PIGK: variants seen among roughly 807,000 people sequenced by gnomAD.
PIGK encodes phosphatidylinositol glycan anchor biosynthesis class K.
A neutral mutation model predicts 50.6 loss-of-function variants in PIGK; 42 were observed. That is an observed-to-expected ratio of 0.83 (90% CI 0.65 to 1.07). The LOEUF (loss-of-function observed/expected upper bound fraction) is 1.07. Ranked by LOEUF, PIGK falls within the 50% of genes least tolerant of loss-of-function variation. The pLI is 0.00. For synonymous variants in PIGK, 151 were observed against 156.0 expected (o/e 0.97, Z 0.24); for missense variants, 448 against 488.7 (o/e 0.92, Z 0.78).
At position 77,090,340 on chromosome 1, in the gene PIGK, A is replaced by G. The variant is rs923359913; in HGVS notation, c.*2034T>C. On this transcript the variant is annotated 3_prime_UTR_variant, in exon 11 of 11. Coordinates refer to ENST00000370812, the MANE Select transcript of PIGK (RefSeq NM_005482.3). ...TATGAAGGCAGAGTATGCTCTATGT[A>G]AAAAGATTATGGTTATAAGTGAAAC... The G allele has an allele frequency of 2.0e-5, 3 of 152,240 alleles. No homozygotes were observed. Among genetic ancestry groups the G allele is most frequent in the African/African-American group, 4.8e-5 (2 of 41,458 alleles). The allele number at this position is 152,240 out of a possible 1,614,324, so 9.4% of individuals were successfully genotyped here. A position where few individuals can be genotyped will look rare whatever the true frequency, so the allele number is the denominator to read the frequency against.
intron 9 of PIGK, among the ~76,000 whole-genome samples, chr1:77,122,711 C>T (rs910562278): frequency 1.3e-5 from 2 of 152,174 alleles, no homozygotes; most frequent in Non-Finnish European, 2.9e-5. Context: ...ACTCAAGCCT[C>T]ATCTCCAGCA....
intron 4 of PIGK, 50 bp from the exon 5 acceptor site, chr1:77,166,880 C>T (rs1447490118): frequency 1.2e-6 from 1 of 855,382 alleles, no homozygotes; most frequent in Non-Finnish European, 1.9e-6. Context: ...CCTGGGAAAT[C>T]TTGACAAATT....
chr1:77,112,900 T>C (rs900120728), intron 10 of PIGK, among the ~76,000 whole-genome samples: 1 of 152,082 alleles, frequency 6.6e-6, no homozygotes, highest in Non-Finnish European at 1.5e-5. Context: ...AGCATACATA[T>C]GCCCCTAATA....
At chr1:77,193,986 A>T (rs1570255130) in intron 3 of PIGK, among the ~76,000 whole-genome samples, 1 of 152,332 alleles carries the variant, frequency 6.6e-6, no homozygotes, top group East Asian at 1.9e-4. Flanking sequence ...AAAAAAATTA[A>T]TGAGTAAAAA....
chr1:77,099,134 T>C (rs767965156), intron 10 of PIGK, among the ~76,000 whole-genome samples: 4 of 152,106 alleles, frequency 2.6e-5, no homozygotes, highest in Admixed American at 1.3e-4. Context: ...ACAGGAAACA[T>C]TGTACATCCA....
At chr1:77,155,211 T>C (rs562241529) in intron 8 of PIGK, among the ~76,000 whole-genome samples, 6 of 152,290 alleles carry the variant, frequency 3.9e-5, no homozygotes, top group African/African-American at 9.6e-5. Context: ...AGTTTATTTA[T>C]GAAAATAAGC....
At position 77,198,912 on chromosome 1, in the gene PIGK, G is replaced by A. The variant is rs553068100; in HGVS notation, c.239+7728C>T. Among the ~76,000 whole-genome samples, 22 of 151,970 alleles carry A rather than the reference G, an allele frequency of 1.4e-4. No individual in the cohort carries two copies. In the South Asian group the frequency reaches 3.9e-3, roughly 27 times the overall value. The stretch of plus-strand genomic sequence containing the variant: ...TATGGAAGAACAAGACCTAAGAATA[G>A]GCAAGACCATTCTAAAAAAGAATAA... On this transcript the variant is annotated intron_variant, in intron 3 of 10. Transcript: ENST00000370812.
chr1:77,136,804 C>T (rs530880345), intron 9 of PIGK, among the ~76,000 whole-genome samples: 17 of 152,284 alleles, frequency 1.1e-4, no homozygotes, highest in African/African-American at 4.1e-4. Flanking sequence ...ACATAGCTAA[C>T]AGTTTCCAAT....
chr1:77,105,974 T>C (rs1414876069), intron 10 of PIGK, among the ~76,000 whole-genome samples: 1 of 152,148 alleles, frequency 6.6e-6, no homozygotes, highest in Non-Finnish European at 1.5e-5. Context: ...AAAGAAAAAC[T>C]AAAAATCTTA....
intron 9 of PIGK, among the ~76,000 whole-genome samples, chr1:77,137,791 A>G (rs1445745062): frequency 6.6e-6 from 1 of 152,044 alleles, no homozygotes; most frequent in Non-Finnish European, 1.5e-5. Flanking sequence ...TTTAGTAGAG[A>G]CGGGGTTTCA....
intron 3 of PIGK, among the ~76,000 whole-genome samples, chr1:77,189,670 G>A (rs1422684517): frequency 1.5e-5 from 2 of 136,828 alleles, no homozygotes; most frequent in African/African-American, 5.5e-5. Context: ...GGGACCTTGT[G>A]ATTGTGTGAG....
At chr1:77,206,806 GT>G in intron 2 of PIGK, 75 bp from the exon 3 acceptor site, 3 of 849,914 alleles carry the variant, frequency 3.5e-6, no homozygotes, top group Non-Finnish European at 5.9e-6. Context: ...TTTTCTTTAA[GT>G]AGGATACAGA....
At chr1:77,192,975 A>C (rs1262980449) in intron 3 of PIGK, among the ~76,000 whole-genome samples, 1 of 152,120 alleles carries the variant, frequency 6.6e-6, no homozygotes, top group Non-Finnish European at 1.5e-5. Context: ...AGGCTTAGAG[A>C]TGGATACCAC....
At chr1:77,196,773 T>C (rs1368656933) in intron 3 of PIGK, among the ~76,000 whole-genome samples, 1 of 152,210 alleles carries the variant, frequency 6.6e-6, no homozygotes, top group Non-Finnish European at 1.5e-5. Flanking sequence ...AGGTTGTCCG[T>C]TTACTCTGTT....
chr1:77,124,574 A>C (rs1654182666), intron 9 of PIGK, among the ~76,000 whole-genome samples: 1 of 151,456 alleles, frequency 6.6e-6, no homozygotes. Context: ...GCGCCACTGC[A>C]CTCCAGCCTG....
intron 9 of PIGK, among the ~76,000 whole-genome samples, chr1:77,143,644 T>C (rs1350195265): frequency 3.3e-5 from 5 of 152,142 alleles, no homozygotes; most frequent in African/African-American, 1.2e-4. Context: ...TTTGAAGGTA[T>C]AACCTACCTT....
rs536043568 is a variant in PIGK at position 77,172,530 on chromosome 1, T to C, written c.240-3135A>G. Among the ~76,000 whole-genome samples the C allele has an allele frequency of 9.8e-5, 15 of 152,330 alleles. No individual in the cohort carries two copies. In the South Asian group the frequency reaches 3.1e-3, roughly 32 times the overall value. The stretch of plus-strand genomic sequence containing the variant: ...GATCAAATTTGATCCAGTAATTAAC[T>C]GACTTGAATCCAGTTAGAGGCTTCT... On this transcript the variant is annotated intron_variant, in intron 3 of 10. Coordinates refer to ENST00000370812, the MANE Select transcript of PIGK (RefSeq NM_005482.3).
At chr1:77,183,786 G>C (rs928938623) in intron 3 of PIGK, among the ~76,000 whole-genome samples, 3 of 152,138 alleles carry the variant, frequency 2.0e-5, no homozygotes, top group Non-Finnish European at 2.9e-5. Context: ...CCCACTGTGA[G>C]AGGTGGAAAT....
intron 3 of PIGK, among the ~76,000 whole-genome samples, chr1:77,179,931 A>G (rs1335825003): frequency 6.6e-6 from 1 of 152,024 alleles, no homozygotes; most frequent in Non-Finnish European, 1.5e-5. Flanking sequence ...TGATAACTCA[A>G]AGTGTCTTTT....
Sources: allele counts gnomAD v4.1 joint callset (sites outside exome capture counted in the v4.1 genomes callset), GRCh38; gene constraint gnomAD v4.1.1; transcripts MANE v1.5; gene names NCBI Gene and HGNC (gene_info 2026-07-23, HGNC 2026-07-21).